Variants in TMEM117 observed in about 807,000 individuals in gnomAD.
The protein encoded by TMEM117 is transmembrane protein 117.
A neutral mutation model predicts 52.4 loss-of-function variants in TMEM117; 27 were observed. The observed-to-expected ratio is 0.51, with a 90% CI of 0.38 to 0.71. The LOEUF is 0.71. Among genes scored for constraint, TMEM117 ranks in the 30% least tolerant of loss-of-function variants. The pLI is 0.00. For synonymous variants in TMEM117, 215 were observed against 206.3 expected, an observed-to-expected ratio of 1.04 and a Z score of -0.36; for missense variants, 556 against 630.5, an observed-to-expected ratio of 0.88 and a Z score of 1.26.
At chr12:44,336,606 A>T (rs2138739046) in intron 6 of TMEM117, among the ~76,000 whole-genome samples, 1 of 152,140 alleles carries the variant, frequency 6.6e-6, no homozygotes, top group East Asian at 1.9e-4. Flanking sequence ...AGCCAGAAAC[A>T]AATAATTCCT....
intron 3 of TMEM117, among the ~76,000 whole-genome samples, chr12:44,001,744 TGAA>T (rs1221313758): frequency 2.0e-5 from 3 of 152,180 alleles, no homozygotes; most frequent in Non-Finnish European, 4.4e-5. Flanking sequence ...GCCTTGAGGC[TGAA>T]GGAGGGAGTG....
chr12:44,199,494 A>G (rs1327861522), intron 4 of TMEM117, among the ~76,000 whole-genome samples: 1 of 152,204 alleles, frequency 6.6e-6, no homozygotes, highest in Non-Finnish European at 1.5e-5. Context: ...TGACCAATAT[A>G]TGACCACATT....
chr12:44,384,472 T>C (rs986235160), intron 7 of TMEM117, among the ~76,000 whole-genome samples: 1 of 152,094 alleles, frequency 6.6e-6, no homozygotes. Flanking sequence ...CACGATCCCC[T>C]GTTTTTTAGT....
At chr12:44,306,038 C>G (rs760801590) in intron 6 of TMEM117, among the ~76,000 whole-genome samples, 1 of 152,102 alleles carries the variant, frequency 6.6e-6, no homozygotes, top group Non-Finnish European at 1.5e-5. Context: ...AAACCAAATA[C>G]CACATGTTCT....
chr12:44,090,837 G>GTTTTTTTTTTTTTTTTTT (rs1565823272), intron 3 of TMEM117, among the ~76,000 whole-genome samples: 1 of 112,426 alleles, frequency 8.9e-6, no homozygotes, highest in African/African-American at 5.3e-5. Context: ...CTGTATTTAT[G>GTTTTTTTTTTTTTTTTTT]TGTTTTTTTT....
intron 2 of TMEM117, among the ~76,000 whole-genome samples, chr12:43,858,856 C>T (rs1943441790): frequency 6.6e-6 from 1 of 152,042 alleles, no homozygotes; most frequent in Non-Finnish European, 1.5e-5. Context: ...TGTTGAATAC[C>T]TGTTATTTGC....
intron 5 of TMEM117, among the ~76,000 whole-genome samples, chr12:44,256,123 CAT>C (rs1478386095): frequency 6.6e-6 from 1 of 151,710 alleles, no homozygotes; most frequent in Non-Finnish European, 1.5e-5. Flanking sequence ...TAAAAATAAA[CAT>C]AAACACATAT....
intron 3 of TMEM117, among the ~76,000 whole-genome samples, chr12:44,138,974 A>C (rs547843393): frequency 6.6e-6 from 1 of 152,272 alleles, no homozygotes; most frequent in South Asian, 2.1e-4. Flanking sequence ...TTTTCACTTT[A>C]ATGCCTTAAG....
intron 2 of TMEM117, among the ~76,000 whole-genome samples, chr12:43,912,965 A>T (rs1224228136): frequency 6.6e-6 from 1 of 152,222 alleles, no homozygotes; most frequent in Non-Finnish European, 1.5e-5. Context: ...GCTTTGAAAC[A>T]TTCCAAAGGA....
At chr12:43,933,224 C>G (rs542283679) in intron 2 of TMEM117, among the ~76,000 whole-genome samples, 1 of 146,912 alleles carries the variant, frequency 6.8e-6, no homozygotes, top group Non-Finnish European at 1.5e-5. Context: ...TTTTTCGAGA[C>G]GGAGTCTTAC....
chr12:44,343,006 C>T (rs1951437414), intron 6 of TMEM117, among the ~76,000 whole-genome samples: 1 of 152,062 alleles, frequency 6.6e-6, no homozygotes, highest in East Asian at 1.9e-4. Flanking sequence ...GTATCTCAGC[C>T]TCCCGAGTAG....
chr12:44,038,761 C>CT (rs1381635896), intron 3 of TMEM117, among the ~76,000 whole-genome samples: 1 of 152,132 alleles, frequency 6.6e-6, no homozygotes, highest in East Asian at 1.9e-4. Context: ...CTACTGAATC[C>CT]TTTTTTTCTT....
rs368903351 is a variant in TMEM117, at chr12:44,015,326, C to A, written c.410+70984C>A. Among the ~76,000 whole-genome samples the A allele has an allele frequency of 2.7e-4, 41 of 152,152 alleles. No individual in the cohort carries two copies. The South Asian group carries it at 8.5e-3, about 32-fold the overall frequency. ...TTTTATTTATCGATTCCATGAAGAA[C>A]ATATTTCTTTTGTGTCATGGTGATC... On this transcript the variant is annotated intron_variant, in intron 3 of 7. Coordinates refer to ENST00000266534, the MANE Select transcript of TMEM117 (RefSeq NM_032256.3).
rs181857219 is a variant in TMEM117 at position 43,926,499 on chromosome 12, T to C, written c.278-17711T>C. Among the ~76,000 whole-genome samples, 283 of 152,332 alleles carry C rather than the reference T, an allele frequency of 1.9e-3. 5 individuals carry two copies. The highest frequency in any genetic ancestry group is 0.014 in the Middle Eastern group (4 of 294). ...TTTAAATTCACATTAGTCATTCTTA[T>C]AAATATCTACCCTTTTAAATTTGAT... On this transcript the variant is annotated intron_variant, in intron 2 of 7. Transcript: ENST00000266534.
At chr12:44,124,717 A>G (rs1445199911) in intron 3 of TMEM117, among the ~76,000 whole-genome samples, 2 of 152,192 alleles carry the variant, frequency 1.3e-5, no homozygotes, top group African/African-American at 4.8e-5. Context: ...ATTGATTTGC[A>G]TATGTTGAAC....
intron 6 of TMEM117, among the ~76,000 whole-genome samples, chr12:44,317,840 G>A (rs1219206682): frequency 6.6e-6 from 1 of 152,182 alleles, no homozygotes; most frequent in Non-Finnish European, 1.5e-5. Flanking sequence ...GAACTGTTTA[G>A]TGCACAGTGG....
intron 5 of TMEM117, among the ~76,000 whole-genome samples, chr12:44,245,271 C>T (rs551831544): frequency 2.0e-5 from 3 of 151,784 alleles, no homozygotes; most frequent in South Asian, 4.1e-4. Context: ...TGCCTTGACT[C>T]TGTAGATTGT....
intron 4 of TMEM117, among the ~76,000 whole-genome samples, chr12:44,182,683 GA>G (rs1336594903): frequency 5.3e-5 from 8 of 152,014 alleles, no homozygotes; most frequent in Non-Finnish European, 8.8e-5. Flanking sequence ...GAAAGCTCAG[GA>G]AAAAAAGCCT....
intron 4 of TMEM117, among the ~76,000 whole-genome samples, chr12:44,191,655 A>T (rs967633139): frequency 1.3e-5 from 2 of 152,174 alleles, no homozygotes; most frequent in African/African-American, 4.8e-5. Flanking sequence ...ATGACCATAC[A>T]TATTGGGTCA....
Sources: gnomAD v4.1 joint callset for allele counts (sites outside exome capture counted in the v4.1 genomes callset) on GRCh38, gnomAD v4.1.1 for gene constraint, MANE v1.5 for transcripts, NCBI Gene and HGNC (gene_info 2026-07-23, HGNC 2026-07-21) for gene names.